The following RBFOX1 variants were observed in gnomAD, a reference collection of about 807,000 sequenced individuals.
RBFOX1 encodes RNA binding protein fox-1 homolog 1.
A neutral mutation model predicts 57.7 loss-of-function variants in RBFOX1; 8 were observed. The observed-to-expected ratio is 0.14, with a 90% CI of 0.08 to 0.25. The LOEUF (loss-of-function observed/expected upper bound fraction) is 0.25. Ranked by LOEUF, RBFOX1 falls within the 10% of genes least tolerant of loss-of-function variation. The pLI is 1.00. For missense variants in RBFOX1, 611 were observed against 548.5 expected (o/e 1.11, Z -1.14); for synonymous variants, 326 against 222.4 (o/e 1.47, Z -4.15).
intron 1 of RBFOX1, among the ~76,000 whole-genome samples, chr16:5,431,337 A>G (rs2067727161): frequency 6.6e-6 from 1 of 152,196 alleles, no homozygotes; most frequent in East Asian, 1.9e-4. Context: ...TTTAAAAGTT[A>G]GGGTCTGGGT....
At chr16:7,092,655 G>A (rs2061051145) in intron 4 of RBFOX1, among the ~76,000 whole-genome samples, 1 of 152,176 alleles carries the variant, frequency 6.6e-6, no homozygotes, top group African/African-American at 2.4e-5. Context: ...TATTGACAGA[G>A]CCTTTACGGA....
intron 4 of RBFOX1, among the ~76,000 whole-genome samples, chr16:7,442,911 C>T (rs1215843450): frequency 6.6e-6 from 1 of 152,182 alleles, no homozygotes; most frequent in Non-Finnish European, 1.5e-5. Flanking sequence ...ATGATTTGAG[C>T]CATTGCCTGT....
At chr16:7,342,528 C>T (rs1390048168) in intron 4 of RBFOX1, among the ~76,000 whole-genome samples, 1 of 152,132 alleles carries the variant, frequency 6.6e-6, no homozygotes, top group Non-Finnish European at 1.5e-5. Context: ...TTCATGATTT[C>T]TGGAGTTATT....
At chr16:7,120,465 CAT>C (rs1303278846) in intron 4 of RBFOX1, among the ~76,000 whole-genome samples, 2 of 151,862 alleles carry the variant, frequency 1.3e-5, no homozygotes, top group African/African-American at 4.8e-5. Flanking sequence ...AAATTACAAA[CAT>C]CACATAAATT....
chr16:6,934,360 T>C (rs957028438), intron 3 of RBFOX1, among the ~76,000 whole-genome samples: 10 of 152,184 alleles, frequency 6.6e-5, no homozygotes, highest in African/African-American at 1.4e-4. Flanking sequence ...GTAATAAATA[T>C]GTGAGTATTT....
At chr16:7,631,064 C>T (rs768128837) in intron 11 of RBFOX1, among the ~76,000 whole-genome samples, 3 of 152,184 alleles carry the variant, frequency 2.0e-5, no homozygotes, top group Non-Finnish European at 2.9e-5. Context: ...GATGCTTAAC[C>T]AGGATTCTTG....
At chr16:6,779,516 C>G (rs977560665) in intron 3 of RBFOX1, among the ~76,000 whole-genome samples, 1 of 151,022 alleles carries the variant, frequency 6.6e-6, no homozygotes, top group African/African-American at 2.4e-5. Flanking sequence ...AACTTTCTTT[C>G]ATTTGAATAT....
chr16:6,887,444 AT>A (rs2064333950), intron 3 of RBFOX1, among the ~76,000 whole-genome samples: 1 of 152,174 alleles, frequency 6.6e-6, no homozygotes, highest in Admixed American at 6.5e-5. Context: ...ATGAAAACTA[AT>A]GATCATTTTC....
At chr16:7,707,781 G>T (rs2082961145) in intron 14 of RBFOX1, among the ~76,000 whole-genome samples, 1 of 152,158 alleles carries the variant, frequency 6.6e-6, no homozygotes, top group Admixed American at 6.5e-5. Context: ...GAAACCCATA[G>T]GATCAGGTCG....
chr16:7,349,993 C>T (rs1268117044), intron 4 of RBFOX1, among the ~76,000 whole-genome samples: 2 of 152,022 alleles, frequency 1.3e-5, no homozygotes, highest in Non-Finnish European at 2.9e-5. Flanking sequence ...CTGAAACATA[C>T]AAAAATTAGC....
Position 6,852,493 on chromosome 16 carries a change from A to C in RBFOX1, c.-16+197843A>C, listed in dbSNP as rs567760714. Among the ~76,000 whole-genome samples the C allele has an allele frequency of 9.8e-5, 15 of 152,352 alleles. 1 individual carries two copies. The highest frequency in any genetic ancestry group is 3.6e-4 in the African/African-American group (15 of 41,582). On this transcript the variant is annotated intron_variant, in intron 3 of 15. Transcript: ENST00000550418. Reference sequence around the variant, plus strand: ...GGCTTATTAGGGTAAGTGTGAGAACAGTCTTACAAGTAGGGAACAATTCCT... The same window carrying C: ...GGCTTATTAGGGTAAGTGTGAGAACCGTCTTACAAGTAGGGAACAATTCCT...
chr16:5,855,297 G>T (rs1042789198), intron 3 of RBFOX1, among the ~76,000 whole-genome samples: 1 of 151,990 alleles, frequency 6.6e-6, no homozygotes. Context: ...AATTCACTAC[G>T]CAGACCAATG....
chr16:5,918,145 A>C (rs1156587791), intron 4 of RBFOX1, among the ~76,000 whole-genome samples: 2 of 151,974 alleles, frequency 1.3e-5, no homozygotes, highest in African/African-American at 4.8e-5. Flanking sequence ...TTTGAGACAG[A>C]GTCTTGTTTT....
At chr16:5,596,392 C>A (rs1596380043) in intron 2 of RBFOX1, among the ~76,000 whole-genome samples, 1 of 152,220 alleles carries the variant, frequency 6.6e-6, no homozygotes, top group African/African-American at 2.4e-5. Context: ...ATACTGGCTT[C>A]ACATGCAAGG....
chr16:5,730,582 C>A (rs956500876), intron 3 of RBFOX1, among the ~76,000 whole-genome samples: 6 of 152,080 alleles, frequency 3.9e-5, no homozygotes, highest in Admixed American at 1.3e-4. Context: ...TCATCATTAC[C>A]ATCATCATCA....
intron 1 of RBFOX1, among the ~76,000 whole-genome samples, chr16:6,125,863 G>C (rs998880728): frequency 6.6e-6 from 1 of 152,080 alleles, no homozygotes; most frequent in Non-Finnish European, 1.5e-5. Flanking sequence ...TGATACTGCC[G>C]GGGAGAGATT....
At chr16:5,404,530 G>A (rs2151446979) in intron 1 of RBFOX1, among the ~76,000 whole-genome samples, 1 of 152,294 alleles carries the variant, frequency 6.6e-6, no homozygotes, top group South Asian at 2.1e-4. Flanking sequence ...GAGTGTGAAG[G>A]TAACTGGGCT....
chr16:6,386,574 G>T (rs2092297118), intron 2 of RBFOX1, among the ~76,000 whole-genome samples: 1 of 151,996 alleles, frequency 6.6e-6, no homozygotes, highest in Non-Finnish European at 1.5e-5. Flanking sequence ...ACCAATAAAT[G>T]GAAAAATAAA....
intron 10 of RBFOX1, among the ~76,000 whole-genome samples, chr16:7,611,173 G>C (rs1017359157): frequency 2.0e-5 from 3 of 152,124 alleles, no homozygotes; most frequent in African/African-American, 7.2e-5. Flanking sequence ...CTCAGAATGA[G>C]GCATGAAAAG....
Sources: allele counts gnomAD v4.1 joint callset (sites outside exome capture counted in the v4.1 genomes callset), GRCh38; gene constraint gnomAD v4.1.1; transcripts MANE v1.5; gene names NCBI Gene and HGNC (gene_info 2026-07-23, HGNC 2026-07-21).